The following KHDRBS2 variants were observed in gnomAD, a reference collection of about 807,000 sequenced individuals.
The protein encoded by KHDRBS2 is KH domain-containing, RNA-binding, signal transduction-associated protein 2.
A neutral mutation model predicts 44.3 loss-of-function variants in KHDRBS2; 26 were observed. The observed-to-expected ratio is 0.59, with a 90% CI of 0.43 to 0.81. The LOEUF (loss-of-function observed/expected upper bound fraction) is 0.81, where lower values mean the gene tolerates loss of function less well. KHDRBS2 is among the 40% of genes least tolerant of loss of function. The pLI is 0.00. For synonymous variants in KHDRBS2, 194 were observed against 151.1 expected, an observed-to-expected ratio of 1.28 and a Z score of -2.08; for missense variants, 476 against 433.1, an observed-to-expected ratio of 1.10 and a Z score of -0.88.
chr6:61,803,833 A>T (rs1786687886), intron 6 of KHDRBS2, among the ~76,000 whole-genome samples: 1 of 152,016 alleles, frequency 6.6e-6, no homozygotes, highest in Non-Finnish European at 1.5e-5. Context: ...TCTTGTGCGA[A>T]CTCACTCACC....
chr6:61,803,334 G>T (rs1466296019), intron 6 of KHDRBS2, among the ~76,000 whole-genome samples: 5 of 152,114 alleles, frequency 3.3e-5, no homozygotes, highest in Admixed American at 2.6e-4. Context: ...GGACTGAATG[G>T]TTATGGGCAT....
the KHDRBS2 span, among the ~76,000 whole-genome samples, chr6:61,562,385 G>A: frequency 5.9e-5 from 9 of 152,250 alleles, no homozygotes; most frequent in African/African-American, 1.9e-4. Context: ...TGGTCCTCAA[G>A]TGTTGGCTGG....
At position 62,259,998 on chromosome 6, in the gene KHDRBS2, G is replaced by A. The variant is rs908839674; in HGVS notation, c.91+25860C>T. 3.3e-5 allele frequency among the ~76,000 whole-genome samples: 5 copies of A among 151,920 alleles called. No homozygotes were observed. The East Asian group carries it at 5.8e-4, about 18-fold the overall frequency. Reference sequence around the variant, plus strand: ...TTACATGTAGGTGTGGCTATATGACGAGGATCTTCCACTGCTGTCAGGAAG... The same window carrying A: ...TTACATGTAGGTGTGGCTATATGACAAGGATCTTCCACTGCTGTCAGGAAG... On this transcript the variant is annotated intron_variant, in intron 1 of 8. Coordinates refer to ENST00000281156, the MANE Select transcript of KHDRBS2 (RefSeq NM_152688.4).
intron 2 of KHDRBS2, among the ~76,000 whole-genome samples, chr6:62,107,898 A>C (rs1245686162): frequency 6.6e-6 from 1 of 152,232 alleles, no homozygotes; most frequent in Non-Finnish European, 1.5e-5. Flanking sequence ...CATATGTAGA[A>C]AGCTGAAACT....
rs1775134059 is a variant in KHDRBS2, at chr6:61,735,164, T to C, written c.811-2400A>G. 2.0e-5 allele frequency among the ~76,000 whole-genome samples: 3 copies of C among 152,088 alleles called. No individual in the cohort carries two copies. The South Asian group carries it at 6.2e-4, about 32-fold the overall frequency. The stretch of plus-strand genomic sequence containing the variant: ...TCATTTTTTTGGTGATAAATTTAAA[T>C]TATACAAAAGTTGGAACAAGATGTT... On this transcript the variant is annotated intron_variant, in intron 6 of 8. Coordinates refer to ENST00000281156, the MANE Select transcript of KHDRBS2 (RefSeq NM_152688.4).
intron 1 of KHDRBS2, among the ~76,000 whole-genome samples, chr6:62,205,226 A>G (rs1369657630): frequency 6.6e-6 from 1 of 152,146 alleles, no homozygotes; most frequent in Non-Finnish European, 1.5e-5. Context: ...ACTATGAGTA[A>G]TAAAGTCTTT....
chr6:62,093,560 C>G (rs1196568333), intron 2 of KHDRBS2, among the ~76,000 whole-genome samples: 4 of 151,822 alleles, frequency 2.6e-5, no homozygotes, highest in African/African-American at 9.7e-5. Flanking sequence ...ATTGTTAACT[C>G]TAATCATCCT....
intron 6 of KHDRBS2, among the ~76,000 whole-genome samples, chr6:61,792,867 A>C (rs1211392792): frequency 6.6e-6 from 1 of 151,976 alleles, no homozygotes; most frequent in Admixed American, 6.6e-5. Flanking sequence ...AACTTTAATT[A>C]AAATTCTAAA....
chr6:61,731,899 G>A (rs1355414303), intron 7 of KHDRBS2, among the ~76,000 whole-genome samples: 1 of 151,916 alleles, frequency 6.6e-6, no homozygotes, highest in South Asian at 2.1e-4. Flanking sequence ...TTATTATATT[G>A]TTTCTTCTTA....
downstream of KHDRBS2, among the ~76,000 whole-genome samples, chr6:61,677,952 G>A (rs1582120246): frequency 6.6e-6 from 1 of 151,670 alleles, no homozygotes; most frequent in Admixed American, 6.6e-5. Context: ...CCATCATAAG[G>A]AATCTCCAGG....
intron 6 of KHDRBS2, among the ~76,000 whole-genome samples, chr6:61,775,259 C>T (rs912950417): frequency 6.6e-6 from 1 of 151,998 alleles, no homozygotes; most frequent in Non-Finnish European, 1.5e-5. Context: ...TCTCACCACT[C>T]GTACTAAACA....
chr6:62,267,197 G>A (rs1839350551), intron 1 of KHDRBS2, among the ~76,000 whole-genome samples: 2 of 152,114 alleles, frequency 1.3e-5, no homozygotes, highest in Admixed American at 6.6e-5. Context: ...AAATTCCGGG[G>A]TTTCTCAAGA....
chr6:61,676,431 C>A (rs1014477109), downstream of KHDRBS2, among the ~76,000 whole-genome samples: 1 of 151,754 alleles, frequency 6.6e-6, no homozygotes, highest in Non-Finnish European at 1.5e-5. Context: ...ATTTATTTTT[C>A]CCCTTCTCTT....
At chr6:61,608,055 C>A in the KHDRBS2 span, among the ~76,000 whole-genome samples, 1 of 152,118 alleles carries the variant, frequency 6.6e-6, no homozygotes, top group South Asian at 2.1e-4. Context: ...GCAATTCCTC[C>A]CTAAATCCCA....
chr6:62,257,382 A>G (rs1035625025), intron 1 of KHDRBS2, among the ~76,000 whole-genome samples: 4 of 152,064 alleles, frequency 2.6e-5, no homozygotes, highest in African/African-American at 7.2e-5. Context: ...AAGGTTGCAT[A>G]TTATCTGTTT....
At chr6:62,228,716 AATCTGGTATGT>A (rs1430852161) in intron 1 of KHDRBS2, among the ~76,000 whole-genome samples, 3 of 152,022 alleles carry the variant, frequency 2.0e-5, no homozygotes, top group Non-Finnish European at 4.4e-5. Flanking sequence ...TGTCCCAGCT[AATCTGGTATGT>A]TGTCTCTTTG....
intron 7 of KHDRBS2, among the ~76,000 whole-genome samples, chr6:61,726,576 T>A (rs981754142): frequency 6.6e-6 from 1 of 152,170 alleles, no homozygotes; most frequent in Non-Finnish European, 1.5e-5. Context: ...CAGCAAAGCC[T>A]CAGGATACAA....
intron 2 of KHDRBS2, among the ~76,000 whole-genome samples, chr6:62,055,185 G>A (rs936065758): frequency 6.6e-6 from 1 of 151,836 alleles, no homozygotes; most frequent in Non-Finnish European, 1.5e-5. Context: ...ATCTGAAGAT[G>A]GTTGACATTA....
At chr6:61,903,586 G>A (rs965428464) in intron 4 of KHDRBS2, among the ~76,000 whole-genome samples, 12 of 152,124 alleles carry the variant, frequency 7.9e-5, no homozygotes, top group African/African-American at 2.9e-4. Flanking sequence ...ATATTAATCA[G>A]ATGGTGTCAC....
Sources: allele counts gnomAD v4.1 joint callset (sites outside exome capture counted in the v4.1 genomes callset), GRCh38; gene constraint gnomAD v4.1.1; transcripts MANE v1.5; gene names NCBI Gene and HGNC (gene_info 2026-07-23, HGNC 2026-07-21).